Variants in IRAK2 observed in about 807,000 individuals in gnomAD.
IRAK2 encodes interleukin-1 receptor-associated kinase-like 2.
A neutral mutation model predicts 72.0 loss-of-function variants in IRAK2; 57 were observed. That is an observed-to-expected ratio of 0.79 (90% CI 0.64 to 0.99). IRAK2 has a LOEUF of 0.99. Ranked by LOEUF, IRAK2 falls within the 50% of genes least tolerant of loss-of-function variation. The probability of loss-of-function intolerance (pLI) is 0.00; values close to 1 mark genes in which losing one functional copy is unlikely to be tolerated. For synonymous variants in IRAK2, 293 were observed against 312.7 expected (o/e 0.94, Z 0.67); for missense variants, 790 against 794.4 (o/e 0.99, Z 0.07).
Position 10,234,603 on chromosome 3 carries a change from G to T in IRAK2, c.1417G>T (p.Ala473Ser). ...GAGGCTTCCGGAGGACTGCGCCGAGGCCCTGGCCACGGCTGCCTGCCTGTG... is the reference window on the plus strand; with the variant it reads ...GAGGCTTCCGGAGGACTGCGCCGAGTCCCTGGCCACGGCTGCCTGCCTGTG... ...AGRLPEDCAE[A>S]LATAACLCLR... is the part of the protein sequence containing the mutation. Residue 473 changes from alanine (A) to serine (S), a missense_variant, in exon 11 of 13, where the codon GCC becomes TCC. Physicochemically the swap from Ala to Ser is moderately conservative, Grantham distance 99. Transcript: ENST00000256458. The T allele has an allele frequency of 6.2e-7, 1 of 1,613,444 alleles. No individual in the cohort carries two copies. The highest frequency in any genetic ancestry group is 1.3e-5 in the African/African-American group (1 of 75,034).
At chr3:10,209,123 G>A (rs1697478731) in intron 3 of IRAK2, among the ~76,000 whole-genome samples, 2 of 152,060 alleles carry the variant, frequency 1.3e-5, no homozygotes, top group East Asian at 1.9e-4. Flanking sequence ...CTCTGACCTC[G>A]CTCTCCCGTG....
At chr3:10,236,457 C>G (rs934782983) in intron 11 of IRAK2, among the ~76,000 whole-genome samples, 1 of 150,000 alleles carries the variant, frequency 6.7e-6, no homozygotes, top group South Asian at 2.2e-4. Flanking sequence ...AAGCAATTCT[C>G]CTGCCTCAGC....
intron 1 of IRAK2, among the ~76,000 whole-genome samples, chr3:10,177,390 T>G (rs1308126411): frequency 2.0e-5 from 3 of 152,148 alleles, no homozygotes; most frequent in Non-Finnish European, 4.4e-5. Context: ...GTGCCTCACC[T>G]GACTCACCCT....
At chr3:10,221,131 G>A (rs571924072) in intron 8 of IRAK2, among the ~76,000 whole-genome samples, 158 of 150,226 alleles carry the variant, frequency 1.1e-3, no homozygotes, top group Non-Finnish European at 1.7e-3. Flanking sequence ...GGTGGCTCAC[G>A]CCTGTAATCC....
intron 7 of IRAK2, among the ~76,000 whole-genome samples, chr3:10,218,821 A>AATTTTT (rs1697643958): frequency 6.6e-6 from 1 of 152,194 alleles, no homozygotes; most frequent in Non-Finnish European, 1.5e-5. Context: ...TGAGGCTCAG[A>AATTTTT]GATGTTAAGT....
At chr3:10,171,358 C>T (rs1438599522) in intron 1 of IRAK2, among the ~76,000 whole-genome samples, 1 of 152,112 alleles carries the variant, frequency 6.6e-6, no homozygotes, top group Non-Finnish European at 1.5e-5. Context: ...AGCACCCTCA[C>T]AGTGTTGCTG....
chr3:10,217,159 C>A (rs1045065321), intron 7 of IRAK2, 111 bp downstream of exon 7: 2 of 737,062 alleles, frequency 2.7e-6, no homozygotes, highest in Non-Finnish European at 4.8e-6. Flanking sequence ...CTAGGTGAGA[C>A]CAGGGAGACT....
At position 10,213,214 on chromosome 3, in the gene IRAK2, G is replaced by C; in HGVS notation, c.536G>C (p.Ser179Thr). ...TTCTCTCTGGGTCTCCAGGACTTCA[G>C]CACCTCCATTCCTAAGCAGGAAAAA... ...LPTSSDSKDF[S>T]TSIPKQEKLL... The change falls in exon 5 of 13, where the codon AGC becomes ACC. Residue 179 changes from serine to threonine, a missense_variant. By Grantham distance (58) the Ser-to-Thr change is moderately conservative. Coordinates refer to ENST00000256458, the MANE Select transcript of IRAK2 (RefSeq NM_001570.4). 6.2e-7 allele frequency: 1 copy of C among 1,613,926 alleles called. No individual in the cohort carries two copies. Among genetic ancestry groups the C allele is most frequent in the Admixed American group, 1.7e-5 (1 of 59,998 alleles).
At chr3:10,199,608 G>A in intron 2 of IRAK2, among the ~76,000 whole-genome samples, 1 of 152,174 alleles carries the variant, frequency 6.6e-6, no homozygotes, top group East Asian at 1.9e-4. Flanking sequence ...TGGAGTGGGA[G>A]CTTAGAGGGA....
intron 3 of IRAK2, among the ~76,000 whole-genome samples, chr3:10,208,848 A>G (rs949982963): frequency 6.6e-6 from 1 of 152,092 alleles, no homozygotes; most frequent in African/African-American, 2.4e-5. Context: ...GGCTGAAGCA[A>G]TCCTCCTGCC....
chr3:10,168,000 T>C (rs1014509851), intron 1 of IRAK2, among the ~76,000 whole-genome samples: 2 of 152,074 alleles, frequency 1.3e-5, no homozygotes, highest in Non-Finnish European at 2.9e-5. Flanking sequence ...TTTCACCATG[T>C]TACTCAGGCT....
At chr3:10,179,153 T>G (rs568645618) in intron 2 of IRAK2, among the ~76,000 whole-genome samples, 52 of 152,282 alleles carry the variant, frequency 3.4e-4, no homozygotes, top group South Asian at 6.2e-4. Flanking sequence ...AGCAAAGACC[T>G]TGGGGACTTT....
chr3:10,211,030 T>C (rs546037383), intron 4 of IRAK2, among the ~76,000 whole-genome samples: 1 of 151,940 alleles, frequency 6.6e-6, no homozygotes, highest in East Asian at 1.9e-4. Context: ...GGCTAATTTT[T>C]TTTTGTATTT....
Position 10,199,384 on chromosome 3 carries a change from C to T in IRAK2, c.278-985C>T, listed in dbSNP as rs142436098. Among the ~76,000 whole-genome samples, 13 of 152,296 alleles carry T rather than the reference C, an allele frequency of 8.5e-5. No individual in the cohort carries two copies. The East Asian group carries it at 2.1e-3, about 25-fold the overall frequency. ...ATCTTAGCAAGTCATTTAACCTGCT[C>T]AGGCCTCAGTTTCCTCATCTCTGAA... On this transcript the variant is annotated intron_variant, in intron 2 of 12. Transcript: ENST00000256458.
chr3:10,213,015 G>A (rs11465893), intron 4 of IRAK2, among the ~76,000 whole-genome samples, 192 bp from the exon 5 acceptor site: 2,196 of 151,922 alleles, frequency 0.014, 52 homozygotes, highest in African/African-American at 0.051. Flanking sequence ...TGATCCGCCC[G>A]CCTCGGCCTC....
chr3:10,193,553 G>A (rs1344065446), intron 2 of IRAK2, among the ~76,000 whole-genome samples: 6 of 152,192 alleles, frequency 3.9e-5, no homozygotes, highest in African/African-American at 1.4e-4. Flanking sequence ...AACTTGGGAG[G>A]TAGAGGCTGC....
In IRAK2 at chr3:10,213,559, C is replaced by G. The variant is rs201171765; in HGVS notation, c.788+11C>G. 2.5e-6 allele frequency: 4 copies of G among 1,608,182 alleles called. No individual in the cohort carries two copies. The stretch of plus-strand genomic sequence containing the variant: ...GCAGATTTGTCTTAGGTAAGCCTCC[C>G]CTTTGTTTAGTAATAATGATAGCTA... On this transcript the variant is annotated intron_variant, in intron 6 of 12. Transcript: ENST00000256458.
At chr3:10,196,974 C>A (rs1697277176) in intron 2 of IRAK2, among the ~76,000 whole-genome samples, 1 of 152,114 alleles carries the variant, frequency 6.6e-6, no homozygotes, top group Non-Finnish European at 1.5e-5. Flanking sequence ...CTTTAGCTAG[C>A]TTGCTAACTG....
At chr3:10,197,690 A>G (rs1697291562) in intron 2 of IRAK2, among the ~76,000 whole-genome samples, 1 of 149,038 alleles carries the variant, frequency 6.7e-6, no homozygotes, top group African/African-American at 2.5e-5. Context: ...GTCTCTACTA[A>G]AAATACAAAA....
Sources: allele counts gnomAD v4.1 joint callset (sites outside exome capture counted in the v4.1 genomes callset), GRCh38; gene constraint gnomAD v4.1.1; transcripts MANE v1.5; gene names NCBI Gene and HGNC (gene_info 2026-07-23, HGNC 2026-07-21).